MCPH1: variants seen among roughly 807,000 people sequenced by gnomAD.
MCPH1 encodes microcephalin.
Under a neutral mutation model 84.5 loss-of-function variants are expected in MCPH1, and 104 were observed. The ratio of observed to expected loss-of-function variants is 1.23; its 90% CI spans 1.05 to 1.45. The LOEUF (loss-of-function observed/expected upper bound fraction) is 1.45, where lower values mean the gene tolerates loss of function less well. MCPH1 is among the 40% of genes most tolerant of loss of function. The pLI is 0.00. For missense variants in MCPH1, 1,498 were observed against 1,005.7 expected (o/e 1.49, Z -6.62); for synonymous variants, 514 against 366.8 (o/e 1.40, Z -4.58).
intron 12 of MCPH1, chr8:6,521,261 AC>A: frequency 6.2e-7 from 1 of 1,613,944 alleles, no homozygotes; most frequent in Non-Finnish European, 8.5e-7. Flanking sequence ...TGAATTATTC[AC>A]CGTGGCAGTC....
At chr8:6,583,318 G>T (rs1044765944) in intron 12 of MCPH1, among the ~76,000 whole-genome samples, 1 of 152,048 alleles carries the variant, frequency 6.6e-6, no homozygotes, top group African/African-American at 2.4e-5. Flanking sequence ...ATAATAGCTG[G>T]CAGAGTGTCC....
Position 6,475,301 on chromosome 8 carries a change from C to T in MCPH1, c.1936-2293C>T, listed in dbSNP as rs140740726. Among the ~76,000 whole-genome samples the T allele has an allele frequency of 3.0e-3, 458 of 152,360 alleles. 4 individuals are homozygous for T. The highest frequency in any genetic ancestry group is 0.01 in the African/African-American group (432 of 41,600). Reference sequence around the variant, plus strand: ...ACTTGGGTGCCCTTCACGGGCACTCCTTTTACGTGGTGGACAGCCTGATGC... The same window carrying T: ...ACTTGGGTGCCCTTCACGGGCACTCTTTTTACGTGGTGGACAGCCTGATGC... On this transcript the variant is annotated intron_variant, in intron 9 of 13. Transcript: ENST00000344683.
At chr8:6,469,246 A>C (rs1807403295) in intron 9 of MCPH1, among the ~76,000 whole-genome samples, 1 of 152,174 alleles carries the variant, frequency 6.6e-6, no homozygotes, top group South Asian at 2.1e-4. Flanking sequence ...TCTTTAGATC[A>C]TAGCATGTAT....
chr8:6,634,091 C>G (rs1248125810), intron 13 of MCPH1, among the ~76,000 whole-genome samples: 1 of 152,086 alleles, frequency 6.6e-6, no homozygotes, highest in East Asian at 1.9e-4. Flanking sequence ...TAGAAAAACT[C>G]TACGTAAAGC....
intron 1 of MCPH1, among the ~76,000 whole-genome samples, chr8:6,407,355 A>G (rs1166719153): frequency 6.6e-6 from 1 of 151,860 alleles, no homozygotes; most frequent in Non-Finnish European, 1.5e-5. Flanking sequence ...CTCTTATATC[A>G]TTTTACAGGC....
chr8:6,578,890 A>G (rs1012913987), intron 12 of MCPH1, among the ~76,000 whole-genome samples: 1 of 152,170 alleles, frequency 6.6e-6, no homozygotes, highest in African/African-American at 2.4e-5. Flanking sequence ...TCTCTGGCCC[A>G]TGTTATTCCT....
intron 9 of MCPH1, among the ~76,000 whole-genome samples, chr8:6,468,149 T>C (rs914894939): frequency 2.6e-5 from 4 of 152,188 alleles, no homozygotes; most frequent in Non-Finnish European, 5.9e-5. Flanking sequence ...AGGCAGTCTT[T>C]CCTGTGCAGA....
intron 12 of MCPH1, chr8:6,563,224 C>G (rs1294825623): frequency 3.9e-6 from 1 of 258,424 alleles, no homozygotes; most frequent in Non-Finnish European, 7.6e-6. Flanking sequence ...GTTCCTCTCT[C>G]CCCAGATCCT....
intron 8 of MCPH1, among the ~76,000 whole-genome samples, chr8:6,453,140 GGA>G (rs2129556606): frequency 6.6e-6 from 1 of 152,262 alleles, no homozygotes; most frequent in East Asian, 1.9e-4. Flanking sequence ...CCAAGAAGTG[GGA>G]GAGTCAGGAA....
chr8:6,426,633 A>G lies in MCPH1; in HGVS notation c.234-4866A>G, dbSNP rs929907506. On this transcript the variant is annotated intron_variant, in intron 3 of 13. Coordinates refer to ENST00000344683, the MANE Select transcript of MCPH1 (RefSeq NM_024596.5). Reference sequence around the variant, plus strand: ...TTAGGTTATTATGAATAAAGTTACAATGGACATTTACATTTGTGTCTTTGT... The same window carrying G: ...TTAGGTTATTATGAATAAAGTTACAGTGGACATTTACATTTGTGTCTTTGT... Among the ~76,000 whole-genome samples, 3 of 152,192 alleles carry G rather than the reference A, an allele frequency of 2.0e-5. 1 individual carries two copies. Among genetic ancestry groups the G allele is most frequent in the African/African-American group, 7.2e-5 (3 of 41,444 alleles).
chr8:6,616,786 A>C (rs1266741783), intron 12 of MCPH1: 3 of 152,242 alleles, frequency 2.0e-5, no homozygotes, highest in Non-Finnish European at 2.9e-5. Flanking sequence ...ACTACTGAGC[A>C]GTCCTGTTGT....
intron 12 of MCPH1, among the ~76,000 whole-genome samples, chr8:6,535,351 G>C (rs1183613918): frequency 6.6e-6 from 1 of 152,100 alleles, no homozygotes; most frequent in Non-Finnish European, 1.5e-5. Context: ...TAGGAACTTT[G>C]AAAGACATAC....
intron 12 of MCPH1, among the ~76,000 whole-genome samples, chr8:6,591,965 A>T (rs946367801): frequency 6.6e-6 from 1 of 152,218 alleles, no homozygotes; most frequent in African/African-American, 2.4e-5. Flanking sequence ...ATGGAACAGA[A>T]GTAGGGAAAA....
At chr8:6,526,603 T>A (rs1039151078) in intron 12 of MCPH1, among the ~76,000 whole-genome samples, 1 of 152,248 alleles carries the variant, frequency 6.6e-6, no homozygotes, top group Non-Finnish European at 1.5e-5. Context: ...AATAATGACT[T>A]AAACTTGGTA....
chr8:6,451,334 A>G (rs1278759890), intron 8 of MCPH1, among the ~76,000 whole-genome samples: 1 of 152,212 alleles, frequency 6.6e-6, no homozygotes, highest in Admixed American at 6.5e-5. Context: ...CTCCGTATCT[A>G]CTATGTCCAA....
chr8:6,608,316 C>T (rs1342118417), intron 12 of MCPH1, among the ~76,000 whole-genome samples: 2 of 152,218 alleles, frequency 1.3e-5, no homozygotes, highest in Admixed American at 6.5e-5. Flanking sequence ...AGGCAGACGT[C>T]GGCCTAAAGG....
intron 12 of MCPH1, among the ~76,000 whole-genome samples, chr8:6,590,205 CAA>C (rs144736410): frequency 2.8e-5 from 2 of 71,524 alleles, no homozygotes; most frequent in African/African-American, 4.1e-5. Context: ...AAGTGAACAA[CAA>C]AAAAAAAAAA....
At chr8:6,515,606 T>C (rs1160974256) in intron 12 of MCPH1, among the ~76,000 whole-genome samples, 1 of 152,206 alleles carries the variant, frequency 6.6e-6, no homozygotes, top group Non-Finnish European at 1.5e-5. Context: ...AGTTTTATTA[T>C]GAAATTAAAA....
At chr8:6,635,526 T>G (rs564186378) in intron 13 of MCPH1, 26 of 152,120 alleles carry the variant, frequency 1.7e-4, no homozygotes, top group Admixed American at 9.2e-4. Flanking sequence ...GCCCAGGAGT[T>G]AGAGGCTGCA....
Sources: gnomAD v4.1 joint callset for allele counts (sites outside exome capture counted in the v4.1 genomes callset) on GRCh38, gnomAD v4.1.1 for gene constraint, MANE v1.5 for transcripts, NCBI Gene and HGNC (gene_info 2026-07-23, HGNC 2026-07-21) for gene names.